Variants in KANK4 observed in about 807,000 individuals in gnomAD.
The protein encoded by KANK4 is KN motif and ankyrin repeat domain-containing protein 4.
In KANK4, 50 loss-of-function variants were observed where a neutral mutation model predicts 80.8. The observed-to-expected ratio is 0.62, with a 90% CI of 0.49 to 0.78. The LOEUF is 0.78. KANK4 is among the 30% of genes least tolerant of loss of function. KANK4 has a pLI of 0.00. For missense variants in KANK4, 1,196 were observed against 1,240.1 expected, an observed-to-expected ratio of 0.96 and a Z score of 0.53; for synonymous variants, 465 against 506.9, an observed-to-expected ratio of 0.92 and a Z score of 1.11.
chr1:62,263,411 C>G (rs1393522401), intron 6 of KANK4, 100 bp from the exon 7 acceptor site: 6 of 912,406 alleles, frequency 6.6e-6, no homozygotes, highest in Non-Finnish European at 1.0e-5. Flanking sequence ...CCCTGCAGCT[C>G]CCTCCAGCTT....
Position 62,268,447 on chromosome 1 carries a change from A to G in KANK4, c.2071T>C (p.Ser691Pro), listed in dbSNP as rs201174577. Residue 691 changes from serine (S) to proline (P), a missense_variant, in exon 5 of 10, where the codon TCT (serine) becomes CCT (proline). By Grantham distance (74) the Ser-to-Pro change is moderately conservative. Transcript: ENST00000371153. ...CACTTCTTCTCTGCCTCGCTGTCAG[A>G]CAAGTCCTCTGGGGTGCTGTCCTCA... Reference protein sequence around the residue: ...SGEDSTPEDLSDSEAEKKCDG... With the variant: ...SGEDSTPEDLPDSEAEKKCDG... 180 of 1,613,788 alleles carry G rather than the reference A, an allele frequency of 1.1e-4. No homozygotes were observed. The highest frequency in any genetic ancestry group is 1.5e-4 in the Non-Finnish European group (173 of 1,180,018).
intron 2 of KANK4, among the ~76,000 whole-genome samples, chr1:62,275,424 A>G (rs950187872): frequency 6.6e-6 from 1 of 152,218 alleles, no homozygotes; most frequent in Non-Finnish European, 1.5e-5. Context: ...TTTGAATCAC[A>G]TAATTGCTGC....
intron 4 of KANK4, among the ~76,000 whole-genome samples, chr1:62,270,086 C>T (rs1429228032): frequency 6.6e-6 from 1 of 152,132 alleles, no homozygotes; most frequent in Non-Finnish European, 1.5e-5. Flanking sequence ...ACAGCAAGTG[C>T]CAGGGCCCTG....
At chr1:62,285,688 A>G (rs1202172254) in intron 1 of KANK4, among the ~76,000 whole-genome samples, 1 of 152,176 alleles carries the variant, frequency 6.6e-6, no homozygotes, top group East Asian at 1.9e-4. Flanking sequence ...GGAGAATTCA[A>G]CCTTACAAAG....
Position 62,273,268 on chromosome 1 carries a change from C to T in KANK4, c.1836G>A (p.Ser612=), listed in dbSNP as rs1008296046. The T allele has an allele frequency of 5.1e-6, 8 of 1,559,348 alleles. No individual in the cohort carries two copies. In the Admixed American group the frequency reaches 1.2e-4, roughly 23 times the overall value. ...GTGGGTGAGCCTGGGCCGAGTAGGCCGACAGCAGCAGGTTGAGGGAGCTCA... is the reference window on the plus strand; with the variant it reads ...GTGGGTGAGCCTGGGCCGAGTAGGCTGACAGCAGCAGGTTGAGGGAGCTCA... The part of the protein sequence containing the change: ...QLLSSLNLLL[S]AYSAQAHPPK... Residue 612 remains serine (S), a synonymous_variant, in exon 3 of 10, where the codon TCG becomes TCA. Transcript: ENST00000371153.
chr1:62,282,534 C>T (rs1013293016), intron 1 of KANK4, among the ~76,000 whole-genome samples: 3 of 152,056 alleles, frequency 2.0e-5, no homozygotes, highest in Admixed American at 6.6e-5. Context: ...GAGGGAAGGA[C>T]TGGGAGAAAC....
chr1:62,315,604 G>A (rs753271237), intron 1 of KANK4, among the ~76,000 whole-genome samples: 5 of 152,152 alleles, frequency 3.3e-5, no homozygotes, highest in Non-Finnish European at 7.3e-5. Context: ...CCATTGTACA[G>A]ATAGGAAAAT....
At chr1:62,312,402 C>G (rs1468982101) in intron 1 of KANK4, among the ~76,000 whole-genome samples, 1 of 151,976 alleles carries the variant, frequency 6.6e-6, no homozygotes, top group Non-Finnish European at 1.5e-5. Flanking sequence ...CTTTTTTTCC[C>G]CTATCCAAGT....
intron 6 of KANK4, among the ~76,000 whole-genome samples, chr1:62,263,578 G>C (rs1671945743): frequency 6.6e-6 from 1 of 152,170 alleles, no homozygotes. Context: ...GAAAAAGTTT[G>C]AGTCTGCGGG....
chr1:62,315,018 C>T (rs1024116049), intron 1 of KANK4, among the ~76,000 whole-genome samples: 2 of 152,234 alleles, frequency 1.3e-5, no homozygotes, highest in Non-Finnish European at 2.9e-5. Context: ...TGTGACAGCC[C>T]TGTTTTTAGC....
intron 9 of KANK4, among the ~76,000 whole-genome samples, chr1:62,240,938 A>C (rs943095361): frequency 6.6e-6 from 1 of 152,074 alleles, no homozygotes; most frequent in Non-Finnish European, 1.5e-5. Context: ...TCCAAAAACC[A>C]CACTCTTTAG....
intron 4 of KANK4, among the ~76,000 whole-genome samples, chr1:62,270,438 G>T (rs1261960214): frequency 6.6e-6 from 1 of 151,136 alleles, no homozygotes. Flanking sequence ...ATGGAATGCA[G>T]TGGCACAATC....
At position 62,247,661 on chromosome 1, in the gene KANK4, A is replaced by G. The variant is rs191987743; in HGVS notation, c.2694T>C (p.Thr898=). 332 of 1,613,640 alleles carry G rather than the reference A, an allele frequency of 2.1e-4. No homozygotes were observed. The highest frequency in any genetic ancestry group is 2.7e-4 in the Non-Finnish European group (324 of 1,180,024). The part of the protein sequence containing the change: ...VNIQATQGGQ[T]ALMLGVSHDR... The stretch of plus-strand genomic sequence containing the variant: ...CGTGGCTGACTCCCAGCATCAGCGC[A>G]GTCTGGCCTCCCTGCATGCAGAGCC... The change falls in exon 9 of 10, where the codon ACT becomes ACC. Residue 898 remains threonine (T), a synonymous_variant. Transcript: ENST00000371153.
At chr1:62,263,006 G>A in intron 7 of KANK4, 86 bp downstream of exon 7, 2 of 918,178 alleles carry the variant, frequency 2.2e-6, no homozygotes, top group Non-Finnish European at 3.5e-6. Context: ...TACCTTTAAA[G>A]CTATTGAAAT....
chr1:62,277,079 C>T (rs900126220), intron 2 of KANK4, among the ~76,000 whole-genome samples: 1 of 152,194 alleles, frequency 6.6e-6, no homozygotes, highest in Non-Finnish European at 1.5e-5. Flanking sequence ...ACCCTAAGGA[C>T]ACCAAGATGA....
At chr1:62,318,954 C>A (rs112169196) in intron 1 of KANK4, among the ~76,000 whole-genome samples, 152 bp downstream of exon 1, 3,220 of 152,292 alleles carry the variant, frequency 0.021, 114 homozygotes, top group African/African-American at 0.073. Context: ...TTAAAGGGAG[C>A]CGGGGACGCG....
intron 6 of KANK4, 45 bp downstream of exon 6, chr1:62,266,687 T>C: frequency 7.3e-7 from 1 of 1,361,858 alleles, no homozygotes; most frequent in Non-Finnish European, 1.0e-6. Flanking sequence ...GCTAACGTCT[T>C]AAACAGAAGG....
chr1:62,253,409 C>CT lies in KANK4; in HGVS notation c.2540-201dup, dbSNP rs34488630. On this transcript the variant is annotated intron_variant, in intron 7 of 9. Transcript: ENST00000371153. ...TTTCTTTTCTTTTTTTTCTTTCTTT[C>CT]TTTTTTTTTTTTTTTTTTGAGACAG... is the stretch of plus-strand genomic sequence containing the variant. Among the ~76,000 whole-genome samples, 19,823 of 110,598 alleles carry CT rather than the reference C, an allele frequency of 0.18. 2,620 individuals are homozygous for CT. Among genetic ancestry groups the CT allele is most frequent in the African/African-American group, 0.25 (7,345 of 29,092 alleles). 72.6% of individuals were successfully genotyped at this position (110,598 alleles called of 152,430 possible).
chr1:62,286,679 G>A (rs566711506), intron 1 of KANK4, among the ~76,000 whole-genome samples: 4 of 152,266 alleles, frequency 2.6e-5, no homozygotes, highest in African/African-American at 7.2e-5. Context: ...TAATGAGGAC[G>A]TAGCCTCCTT....
Sources: allele counts gnomAD v4.1 joint callset (sites outside exome capture counted in the v4.1 genomes callset), GRCh38; gene constraint gnomAD v4.1.1; transcripts MANE v1.5; gene names NCBI Gene and HGNC (gene_info 2026-07-23, HGNC 2026-07-21).